The following ANGPT4 variants were observed in gnomAD, a reference collection of about 807,000 sequenced individuals.
ANGPT4 encodes angiopoietin 4.
Under a neutral mutation model 53.0 loss-of-function variants are expected in ANGPT4, and 50 were observed. The observed-to-expected ratio is 0.94, with a 90% CI of 0.75 to 1.20. The LOEUF (loss-of-function observed/expected upper bound fraction) is 1.20. Among genes scored for constraint, ANGPT4 ranks in the 50% most tolerant of loss-of-function variants. The pLI is 0.00. For missense variants in ANGPT4, 648 were observed against 637.1 expected (o/e 1.02, Z -0.18); for synonymous variants, 251 against 259.7 (o/e 0.97, Z 0.32).
At chr20:900,566 C>G (rs189889010) in intron 1 of ANGPT4, among the ~76,000 whole-genome samples, 1 of 152,132 alleles carries the variant, frequency 6.6e-6, no homozygotes, top group South Asian at 2.1e-4. Flanking sequence ...CAAATGAGAC[C>G]GAAGAGTTCC....
At chr20:873,616 G>A (rs1233804783) in intron 8 of ANGPT4, among the ~76,000 whole-genome samples, 1 of 151,622 alleles carries the variant, frequency 6.6e-6, no homozygotes, top group Non-Finnish European at 1.5e-5. Context: ...TCGTGTCTCT[G>A]GCCCTCCCTT....
intron 3 of ANGPT4, among the ~76,000 whole-genome samples, chr20:887,606 T>C (rs561463053): frequency 8.0e-5 from 12 of 150,544 alleles, no homozygotes; most frequent in Admixed American, 6.0e-4. Flanking sequence ...AGCTGCCAGA[T>C]TTTTCTGCTT....
At position 885,147 on chromosome 20, in the gene ANGPT4, GCTGCTGGTC is replaced by G; in HGVS notation, c.757_765del (p.Asp253_Gln255del). The G allele has an allele frequency of 3.1e-6, 5 of 1,611,906 alleles. No homozygotes were observed. Among genetic ancestry groups the G allele is most frequent in the Non-Finnish European group, 4.2e-6 (5 of 1,179,250 alleles). ...AACACCAGCAGCTGGCGCAGGCTGTGCTGCTGGTCCTGCAGGAGGCTGGAGTTGTGCCTG... is the reference window on the plus strand; with the variant it reads ...AACACCAGCAGCTGGCGCAGGCTGTGCTGCAGGAGGCTGGAGTTGTGCCTG... On this transcript the variant is annotated inframe_deletion, in exon 4 of 9. Transcript: ENST00000381922.
intron 2 of ANGPT4, among the ~76,000 whole-genome samples, chr20:888,676 C>T (rs901748535): frequency 6.6e-6 from 1 of 152,206 alleles, no homozygotes; most frequent in Admixed American, 6.5e-5. Context: ...GCTTAGGCCC[C>T]AGGAGCTGTC....
chr20:883,808 G>A (rs1202169493), intron 4 of ANGPT4, among the ~76,000 whole-genome samples: 2 of 152,220 alleles, frequency 1.3e-5, no homozygotes, highest in Admixed American at 1.3e-4. Context: ...ACCCACACAT[G>A]GGATGAATTC....
chr20:874,695 GATA>G (rs1981092913), intron 7 of ANGPT4, among the ~76,000 whole-genome samples: 1 of 152,162 alleles, frequency 6.6e-6, no homozygotes, highest in Non-Finnish European at 1.5e-5. Context: ...TCACAATAAT[GATA>G]ATAATGGCTA....
In ANGPT4 at chr20:881,670, A is replaced by G. The variant is rs76085672; in HGVS notation, c.836-384T>C. On this transcript the variant is annotated intron_variant, in intron 4 of 8. Transcript: ENST00000381922. ...GGGAGGCTGCTTGCTGTATGATGCA[A>G]CTGAGAGGGTAGAACAAGGCTGGCA... Among the ~76,000 whole-genome samples the G allele has an allele frequency of 1.4e-4, 22 of 152,298 alleles. 1 individual carries two copies. In the East Asian group the frequency reaches 4.1e-3, roughly 28 times the overall value.
intron 1 of ANGPT4, among the ~76,000 whole-genome samples, chr20:892,542 G>A (rs866777633): frequency 4.6e-5 from 7 of 151,370 alleles, no homozygotes; most frequent in South Asian, 4.2e-4. Flanking sequence ...GTTGCGGTGA[G>A]CTGAGATGCA....
intron 1 of ANGPT4, among the ~76,000 whole-genome samples, chr20:915,528 CTCTT>C (rs1982895933): frequency 6.6e-6 from 1 of 152,190 alleles, no homozygotes; most frequent in South Asian, 2.1e-4. Context: ...GCCACTTGCC[CTCTT>C]TCTTCTTCAT....
At chr20:877,802 G>A (rs2122763161) in intron 7 of ANGPT4, among the ~76,000 whole-genome samples, 1 of 152,312 alleles carries the variant, frequency 6.6e-6, no homozygotes, top group Middle Eastern at 3.4e-3. Flanking sequence ...TCTGGCCCAG[G>A]GACCCTTCCA....
rs1445367632 is a variant in ANGPT4, at chr20:911,329, C to T, written c.309+4577G>A. Among the ~76,000 whole-genome samples, 1 of 152,218 alleles carries T rather than the reference C, an allele frequency of 6.6e-6. No individual in the cohort carries two copies. Among genetic ancestry groups the T allele is most frequent in the Non-Finnish European group, 1.5e-5 (1 of 68,042 alleles). ...GCCAGGTTGGGAGGCCCCTGCCCAGCCCCTGACCCCTCTCTGCTTGGCTTT... is the reference window on the plus strand; with the variant it reads ...GCCAGGTTGGGAGGCCCCTGCCCAGTCCCTGACCCCTCTCTGCTTGGCTTT... On this transcript the variant is annotated intron_variant, in intron 1 of 8. Coordinates refer to ENST00000381922, the MANE Select transcript of ANGPT4 (RefSeq NM_015985.4). This position sits in a 1 kb window ranked among gnomAD's most constrained non-coding sequence, Gnocchi z 4.9.
chr20:893,296 C>G (rs370491790), intron 1 of ANGPT4, among the ~76,000 whole-genome samples: 21 of 152,322 alleles, frequency 1.4e-4, no homozygotes, highest in African/African-American at 5.1e-4. Flanking sequence ...CACACTCTTA[C>G]GGTATCTTAA....
intron 7 of ANGPT4, among the ~76,000 whole-genome samples, chr20:877,174 G>A (rs972033554): frequency 6.6e-6 from 1 of 152,252 alleles, no homozygotes; most frequent in Non-Finnish European, 1.5e-5. Context: ...CAGGAGGACA[G>A]AGAGTCATTC....
intron 1 of ANGPT4, among the ~76,000 whole-genome samples, chr20:907,716 G>A (rs58599386): frequency 0.014 from 2,203 of 152,236 alleles, 43 homozygotes; most frequent in East Asian, 0.042. Flanking sequence ...GTAACCAGGC[G>A]GTGCTTCTGC....
rs114671840 is a variant in ANGPT4, at chr20:897,024, G to A, written c.310-6656C>T. On this transcript the variant is annotated intron_variant, in intron 1 of 8. Transcript: ENST00000381922. ...TCCTTCTCCTGGACAATAAGTCTCC[G>A]TAGCTCCCCACCAAGCACCTTGTGA... Among the ~76,000 whole-genome samples, 456 of 152,172 alleles carry A rather than the reference G, an allele frequency of 3.0e-3. 2 individuals are homozygous for A. Among genetic ancestry groups the A allele is most frequent in the African/African-American group, 0.011 (442 of 41,506 alleles).
intron 1 of ANGPT4, 102 bp from the exon 2 acceptor site, chr20:890,470 C>T: frequency 9.2e-7 from 1 of 1,092,022 alleles, no homozygotes; most frequent in East Asian, 2.5e-5. Flanking sequence ...CACTTGAGGC[C>T]TCCCTGGCTC....
intron 1 of ANGPT4, among the ~76,000 whole-genome samples, chr20:909,557 T>G (rs1447371600): frequency 1.3e-5 from 2 of 152,222 alleles, no homozygotes; most frequent in Admixed American, 1.3e-4. Context: ...CCTGGAGTCT[T>G]GACGTTTACT....
intron 1 of ANGPT4, among the ~76,000 whole-genome samples, chr20:909,038 T>C (rs1438453166): frequency 9.2e-5 from 14 of 152,144 alleles, no homozygotes; most frequent in Non-Finnish European, 1.5e-5. Context: ...AGAGGTGGTC[T>C]GTGTAGTGGT....
In ANGPT4 at chr20:872,890, G is replaced by A; in HGVS notation, c.*70C>T. 1 of 1,583,616 alleles carries A rather than the reference G, an allele frequency of 6.3e-7. No homozygotes were observed. The highest frequency in any genetic ancestry group is 8.6e-7 in the Non-Finnish European group (1 of 1,160,610). Reference sequence around the variant, plus strand: ...GCGGTGGCACAGTGTCTTGCATCTGGGTCCAGGTTGTCCAGGAGTGCCAAG... The same window carrying A: ...GCGGTGGCACAGTGTCTTGCATCTGAGTCCAGGTTGTCCAGGAGTGCCAAG... On this transcript the variant is annotated 3_prime_UTR_variant, in exon 9 of 9. Coordinates refer to ENST00000381922, the MANE Select transcript of ANGPT4 (RefSeq NM_015985.4).
Sources: allele counts gnomAD v4.1 joint callset (sites outside exome capture counted in the v4.1 genomes callset), GRCh38; gene constraint gnomAD v4.1.1; non-coding constraint Gnocchi (gnomAD v3.1); transcripts MANE v1.5; gene names NCBI Gene and HGNC (gene_info 2026-07-23, HGNC 2026-07-21).